The following AGBL1 variants were observed in gnomAD, a reference collection of about 807,000 sequenced individuals.
The protein encoded by AGBL1 is AGBL carboxypeptidase 1.
AGBL1 carries 130 observed loss-of-function variants against 118.9 expected under a neutral mutation model. The ratio of observed to expected loss-of-function variants is 1.09; its 90% CI spans 0.95 to 1.26. The LOEUF (loss-of-function observed/expected upper bound fraction) is 1.26. Among genes scored for constraint, AGBL1 ranks in the 50% most tolerant of loss-of-function variants. AGBL1 has a pLI of 0.00. For missense variants in AGBL1, 1,584 were observed against 1,298.1 expected, an observed-to-expected ratio of 1.22 and a Z score of -3.38; for synonymous variants, 555 against 478.9, an observed-to-expected ratio of 1.16 and a Z score of -2.08.
chr15:86,834,295 C>T (rs1238215793), intron 22 of AGBL1, among the ~76,000 whole-genome samples: 1 of 152,088 alleles, frequency 6.6e-6, no homozygotes, highest in Non-Finnish European at 1.5e-5. Flanking sequence ...CTCCATCAGG[C>T]AAGCAACCCA....
chr15:86,252,944 G>A (rs2078839631), intron 7 of AGBL1, among the ~76,000 whole-genome samples: 1 of 152,244 alleles, frequency 6.6e-6, no homozygotes, highest in African/African-American at 2.4e-5. Flanking sequence ...AGAGAAGGGA[G>A]AGAGGGGTTA....
chr15:86,828,934 A>G (rs1488869496), intron 22 of AGBL1, among the ~76,000 whole-genome samples: 1 of 147,456 alleles, frequency 6.8e-6, no homozygotes, highest in Non-Finnish European at 1.5e-5. Context: ...ATATATATAT[A>G]TATATATACT....
chr15:86,148,956 G>C (rs1258300271), intron 3 of AGBL1, among the ~76,000 whole-genome samples: 3 of 152,242 alleles, frequency 2.0e-5, no homozygotes, highest in African/African-American at 4.8e-5. Context: ...AGCCAGAAGA[G>C]AGTGGGGGCC....
intron 12 of AGBL1, 59 bp from the exon 13 acceptor site, chr15:86,266,931 C>G: frequency 7.9e-7 from 1 of 1,267,814 alleles, no homozygotes. Flanking sequence ...AGAATCATCA[C>G]ACTGTTTTCA....
chr15:86,225,037 T>TC (rs1383403358), intron 6 of AGBL1, 86 bp downstream of exon 6: 6 of 1,323,122 alleles, frequency 4.5e-6, no homozygotes, highest in Non-Finnish European at 5.2e-6. Context: ...CTGTTTCTTT[T>TC]TTTTTTTTTT....
chr15:86,683,413 G>A (rs2085997085), intron 22 of AGBL1, among the ~76,000 whole-genome samples: 1 of 152,158 alleles, frequency 6.6e-6, no homozygotes, highest in Non-Finnish European at 1.5e-5. Context: ...AGGAGTGAAA[G>A]TACATTTTCT....
chr15:86,827,485 GTGTGTATATATATATATATATA>G (rs2079042258), intron 22 of AGBL1, among the ~76,000 whole-genome samples: 11 of 3,866 alleles, frequency 2.8e-3, no homozygotes, highest in Non-Finnish European at 3.0e-3. Context: ...ATATATATAT[GTGTGTATATATATATATATATA>G]TATATATATA....
chr15:86,565,536 C>T (rs2083899881), intron 21 of AGBL1, among the ~76,000 whole-genome samples: 1 of 152,216 alleles, frequency 6.6e-6, no homozygotes, highest in South Asian at 2.1e-4. Context: ...TGTCAGTCTG[C>T]CCCTACTGGG....
intron 22 of AGBL1, among the ~76,000 whole-genome samples, chr15:86,680,707 C>T (rs1343327137): frequency 6.6e-6 from 1 of 151,148 alleles, no homozygotes; most frequent in Non-Finnish European, 1.5e-5. Flanking sequence ...GCTGGGATTA[C>T]AGGTGCCCAC....
chr15:86,850,235 A>AC (rs11415189), intron 22 of AGBL1, among the ~76,000 whole-genome samples: 127,092 of 152,218 alleles, frequency 0.83, 53,408 homozygotes, highest in East Asian at 0.96. Context: ...GCAAGATGTC[A>AC]CATTCTTGCT....
At chr15:86,806,860 T>C in intron 22 of AGBL1, among the ~76,000 whole-genome samples, 1 of 151,862 alleles carries the variant, frequency 6.6e-6, no homozygotes. Flanking sequence ...ACATCTATTA[T>C]ATTCTATTGT....
At chr15:86,916,411 C>T (rs1274608299), downstream of AGBL1, among the ~76,000 whole-genome samples, 1 of 151,772 alleles carries the variant, frequency 6.6e-6, no homozygotes, top group African/African-American at 2.4e-5. Context: ...ATGTCCTGGA[C>T]TTTGTGTGTG....
chr15:86,770,147 C>G (rs1300340221), intron 22 of AGBL1, among the ~76,000 whole-genome samples: 1 of 151,812 alleles, frequency 6.6e-6, no homozygotes, highest in Non-Finnish European at 1.5e-5. Context: ...AAAAACTAAA[C>G]AAAACTAAAC....
At chr15:86,975,527 G>T (rs2082537) in intron 23 of AGBL1, among the ~76,000 whole-genome samples, 45,674 of 151,784 alleles carry the variant, frequency 0.3, 7,381 homozygotes, top group Middle Eastern at 0.4. Context: ...CCATATCAAA[G>T]ACAAAGTATT....
intron 12 of AGBL1, 112 bp from the exon 13 acceptor site, chr15:86,266,878 C>T: frequency 1.1e-6 from 1 of 947,652 alleles, no homozygotes; most frequent in South Asian, 1.5e-5. Context: ...CCAGCCTGGG[C>T]AACAGAGTGA....
intron 18 of AGBL1, among the ~76,000 whole-genome samples, chr15:86,441,230 C>T (rs951665305): frequency 1.6e-4 from 25 of 152,032 alleles, no homozygotes; most frequent in African/African-American, 4.6e-4. Flanking sequence ...AATTTGGATG[C>T]GTGGATATAA....
chr15:86,772,391 A>T (rs1400590986), intron 22 of AGBL1, among the ~76,000 whole-genome samples: 1 of 152,090 alleles, frequency 6.6e-6, no homozygotes, highest in Non-Finnish European at 1.5e-5. Flanking sequence ...TTGGAGGTGA[A>T]GTCAAGATCA....
intron 19 of AGBL1, among the ~76,000 whole-genome samples, chr15:86,538,320 A>T (rs900398492): frequency 6.6e-6 from 1 of 152,222 alleles, no homozygotes; most frequent in Admixed American, 6.5e-5. Context: ...TTTTAGGAAT[A>T]AATTCTGCAT....
intron 17 of AGBL1, among the ~76,000 whole-genome samples, chr15:86,341,089 C>A (rs1366697327): frequency 6.6e-6 from 1 of 152,208 alleles, no homozygotes; most frequent in Admixed American, 6.5e-5. Context: ...AAGTCCAGGT[C>A]TCCCCCTGAC....
Sources: gnomAD v4.1 joint callset for allele counts (sites outside exome capture counted in the v4.1 genomes callset) on GRCh38, gnomAD v4.1.1 for gene constraint, MANE v1.5 for transcripts, NCBI Gene and HGNC (gene_info 2026-07-23, HGNC 2026-07-21) for gene names.